KIRREL3: variants seen among roughly 807,000 people sequenced by gnomAD.
The protein encoded by KIRREL3 is kin of IRRE-like protein 3.
A neutral mutation model predicts 89.7 loss-of-function variants in KIRREL3; 36 were observed. The ratio of observed to expected loss-of-function variants is 0.40; its 90% CI spans 0.31 to 0.53. The LOEUF (loss-of-function observed/expected upper bound fraction) is 0.53. KIRREL3 is among the 20% of genes least tolerant of loss of function. The probability of loss-of-function intolerance (pLI) is 0.49; values close to 1 mark genes in which losing one functional copy is unlikely to be tolerated. For synonymous variants in KIRREL3, 445 were observed against 441.4 expected, an observed-to-expected ratio of 1.01 and a Z score of -0.10; for missense variants, 864 against 1,056.6, an observed-to-expected ratio of 0.82 and a Z score of 2.53.
At position 126,689,065 on chromosome 11, in the gene KIRREL3, A is replaced by G. The variant is rs567865721; in HGVS notation, c.56-126153T>C. ...AGAAGAGAGAGAGAGAGAGAGAGAG[A>G]GAGAGAGAGAGAGAGAGTATTGTAA... On this transcript the variant is annotated intron_variant, in intron 1 of 16. Transcript: ENST00000525144. The surrounding 1 kb of genome is among the most constrained non-coding windows in gnomAD (Gnocchi z 5.2). 4.0e-4 allele frequency among the ~76,000 whole-genome samples: 61 copies of G among 151,744 alleles called. No individual in the cohort carries two copies. The highest frequency in any genetic ancestry group is 1.5e-3 in the African/African-American group (61 of 41,332).
rs1947380969 is a variant in KIRREL3 at position 126,703,196 on chromosome 11, T to A, written c.56-140284A>T. 6.6e-6 allele frequency among the ~76,000 whole-genome samples: 1 copy of A among 152,222 alleles called. No homozygotes were observed. The highest frequency in any genetic ancestry group is 6.5e-5 in the Admixed American group (1 of 15,292). The stretch of plus-strand genomic sequence containing the variant: ...CTTCCAGCCGTGCTGCTTCCTGCCA[T>A]TTACTCCATCTGACCTACTTCACAG... On this transcript the variant is annotated intron_variant, in intron 1 of 16. Transcript: ENST00000525144. The surrounding 1 kb of genome is among the most constrained non-coding windows in gnomAD (Gnocchi z 4.6).
At chr11:126,511,555 C>T (rs1052523233) in intron 4 of KIRREL3, among the ~76,000 whole-genome samples, 5 of 152,134 alleles carry the variant, frequency 3.3e-5, no homozygotes, top group African/African-American at 7.2e-5. Flanking sequence ...ATGGGCATTG[C>T]GTCTTCTGCT....
intron 1 of KIRREL3, among the ~76,000 whole-genome samples, chr11:126,577,156 T>C (rs1941297685): frequency 6.6e-6 from 1 of 152,206 alleles, no homozygotes; most frequent in Non-Finnish European, 1.5e-5. Flanking sequence ...CCGCGTTTCC[T>C]ATCGACCCGG....
rs1290444538 is a variant in KIRREL3, at chr11:126,954,189, C to T, written c.55+46266G>A. 6.6e-6 allele frequency among the ~76,000 whole-genome samples: 1 copy of T among 151,332 alleles called. No homozygotes were observed. The highest frequency in any genetic ancestry group is 2.4e-5 in the African/African-American group (1 of 41,098). ...TGAGGTCATCACTTATAGGTAAGTA[C>T]TGGAGGATGTAGCGTTAGCTGCTGC... On this transcript the variant is annotated intron_variant, in intron 1 of 16. Coordinates refer to ENST00000525144, the MANE Select transcript of KIRREL3 (RefSeq NM_032531.4). This position sits in a 1 kb window ranked among gnomAD's most constrained non-coding sequence, Gnocchi z 4.1.
rs1475283095 is a variant in KIRREL3, at chr11:126,870,921, G to A, written c.55+129534C>T. ...TTTCTGCCTACCTTACAGAAAGACT[G>A]GACCAAAACTGTTCTACATGGCCAC... is the stretch of plus-strand genomic sequence containing the variant. On this transcript the variant is annotated intron_variant, in intron 1 of 16. Transcript: ENST00000525144. This position sits in a 1 kb window ranked among gnomAD's most constrained non-coding sequence, Gnocchi z 4.4. Among the ~76,000 whole-genome samples the A allele has an allele frequency of 6.6e-6, 1 of 152,080 alleles. No individual in the cohort carries two copies. Among genetic ancestry groups the A allele is most frequent in the Non-Finnish European group, 1.5e-5 (1 of 68,028 alleles).
Position 126,608,508 on chromosome 11 carries a change from C to T in KIRREL3, c.56-45596G>A, listed in dbSNP as rs1299397960. Among the ~76,000 whole-genome samples, 1 of 152,116 alleles carries T rather than the reference C, an allele frequency of 6.6e-6. No individual in the cohort carries two copies. The highest frequency in any genetic ancestry group is 2.4e-5 in the African/African-American group (1 of 41,406). ...GCGTCTGGCATTCCTCCAGTGCGTTCCCAGGCAGGTGTTTTGAGAAACTCC... is the reference window on the plus strand; with the variant it reads ...GCGTCTGGCATTCCTCCAGTGCGTTTCCAGGCAGGTGTTTTGAGAAACTCC... On this transcript the variant is annotated intron_variant, in intron 1 of 16. Coordinates refer to ENST00000525144, the MANE Select transcript of KIRREL3 (RefSeq NM_032531.4). The surrounding 1 kb of genome is among the most constrained non-coding windows in gnomAD (Gnocchi z 4.9).
chr11:126,741,603 C>T (rs925121410), intron 1 of KIRREL3, among the ~76,000 whole-genome samples: 16 of 152,122 alleles, frequency 1.1e-4, no homozygotes, highest in African/African-American at 3.4e-4. Flanking sequence ...TTTAGTACAT[C>T]GGAGAGTTTA....
chr11:126,490,724 C>T lies in KIRREL3; in HGVS notation c.434-17258G>A, dbSNP rs1264362577. Among the ~76,000 whole-genome samples, 2 of 152,198 alleles carry T rather than the reference C, an allele frequency of 1.3e-5. No individual in the cohort carries two copies. The highest frequency in any genetic ancestry group is 4.8e-5 in the African/African-American group (2 of 41,434). ...TCCCCAGAACAGGGCTCAGTGAATG[C>T]TCATTCCTTTTCTTGTCTCTCCTCC... On this transcript the variant is annotated intron_variant, in intron 4 of 16. Transcript: ENST00000525144. The surrounding 1 kb of genome is among the most constrained non-coding windows in gnomAD (Gnocchi z 4.2).
At position 126,459,316 on chromosome 11, in the gene KIRREL3, C is replaced by G. The variant is rs183447123; in HGVS notation, c.743-2862G>C. Reference sequence around the variant, plus strand: ...CCTGTTGTAGGACCTTCCTGCTGCCCGATGCCTCATCACGCCCCTGCCATG... The same window carrying G: ...CCTGTTGTAGGACCTTCCTGCTGCCGGATGCCTCATCACGCCCCTGCCATG... On this transcript the variant is annotated intron_variant, in intron 6 of 16. Transcript: ENST00000525144. The surrounding 1 kb of genome is among the most constrained non-coding windows in gnomAD (Gnocchi z 4.8). Among the ~76,000 whole-genome samples the G allele has an allele frequency of 1.2e-3, 190 of 152,232 alleles. No homozygotes were observed. The highest frequency in any genetic ancestry group is 4.0e-3 in the African/African-American group (168 of 41,522).
rs1565494650 is a variant in KIRREL3, at chr11:126,489,709, G to C, written c.434-16243C>G. Among the ~76,000 whole-genome samples, 2 of 151,990 alleles carry C rather than the reference G, an allele frequency of 1.3e-5. No homozygotes were observed. Among genetic ancestry groups the C allele is most frequent in the South Asian group, 4.2e-4 (2 of 4,812 alleles). On this transcript the variant is annotated intron_variant, in intron 4 of 16. Coordinates refer to ENST00000525144, the MANE Select transcript of KIRREL3 (RefSeq NM_032531.4). The surrounding 1 kb of genome is among the most constrained non-coding windows in gnomAD (Gnocchi z 5.5). Reference sequence around the variant, plus strand: ...CCACCTTCCACCACCCCTTTCTCAGGGGCCCATCAGCTAGGCCTAGCAGCC... The same window carrying C: ...CCACCTTCCACCACCCCTTTCTCAGCGGCCCATCAGCTAGGCCTAGCAGCC...
chr11:126,803,136 G>A (rs1951092324), intron 1 of KIRREL3, among the ~76,000 whole-genome samples: 1 of 152,228 alleles, frequency 6.6e-6, no homozygotes, highest in South Asian at 2.1e-4. Flanking sequence ...AGTCTGAGGG[G>A]TCCAGCCCTA....
At chr11:126,751,662 T>C (rs1481263392) in intron 1 of KIRREL3, among the ~76,000 whole-genome samples, 1 of 151,768 alleles carries the variant, frequency 6.6e-6, no homozygotes, top group Non-Finnish European at 1.5e-5. Context: ...AATATTCTTT[T>C]TGAGGAAAAA....
intron 1 of KIRREL3, chr11:126,992,423 A>G (rs1487597861): frequency 6.6e-6 from 1 of 152,226 alleles, no homozygotes; most frequent in Non-Finnish European, 1.5e-5. Context: ...AGTCATGGAA[A>G]TAACACTGTC....
chr11:126,435,828 G>T (rs1416161742), intron 12 of KIRREL3, among the ~76,000 whole-genome samples: 1 of 152,154 alleles, frequency 6.6e-6, no homozygotes, highest in Non-Finnish European at 1.5e-5. Flanking sequence ...GACAGCCTGC[G>T]AATGGACCTT....
In KIRREL3 at chr11:126,431,436, C is replaced by T. The variant is rs774267210; in HGVS notation, c.1679G>A (p.Cys560Tyr). ...VLMATIVAFCCARSQRNLKGV... is the reference protein window; with the variant it reads ...VLMATIVAFCYARSQRNLKGV... ...TCCCGTACTTCTCTGGGAACGGGCA[C>T]AGCAGAACGCCACGATGGTTGCCAT... is the stretch of plus-strand genomic sequence containing the variant. The change falls in exon 14 of 17, where the codon TGT becomes TAT. Residue 560 changes from cysteine (C) to tyrosine (Y), a missense_variant. By Grantham distance (194) the Cys-to-Tyr change is radical (BLOSUM62 -2). Transcript: ENST00000525144. This position sits in a 1 kb window ranked among gnomAD's most constrained non-coding sequence, Gnocchi z 7.1. 11 of 1,614,042 alleles carry T rather than the reference C, an allele frequency of 6.8e-6. No individual in the cohort carries two copies. The East Asian group carries it at 2.2e-4, about 33-fold the overall frequency.
At chr11:126,567,137 A>G (rs1217456798) in intron 1 of KIRREL3, among the ~76,000 whole-genome samples, 1 of 152,234 alleles carries the variant, frequency 6.6e-6, no homozygotes, top group Non-Finnish European at 1.5e-5. Flanking sequence ...TCCTGCACCA[A>G]ATTCGTACAT....
chr11:126,596,101 A>G (rs1942381156), intron 1 of KIRREL3, among the ~76,000 whole-genome samples: 1 of 152,188 alleles, frequency 6.6e-6, no homozygotes, highest in Admixed American at 6.5e-5. Context: ...CCCAACGGAA[A>G]GCCCTACGAG....
chr11:126,821,049 C>T (rs1359371900), intron 1 of KIRREL3, among the ~76,000 whole-genome samples: 1 of 151,998 alleles, frequency 6.6e-6, no homozygotes, highest in Non-Finnish European at 1.5e-5. Context: ...CTTGGGACTG[C>T]AAAAGGTTGA....
intron 1 of KIRREL3, among the ~76,000 whole-genome samples, chr11:126,698,947 G>A (rs1167855780): frequency 2.0e-5 from 3 of 152,218 alleles, no homozygotes; most frequent in Non-Finnish European, 4.4e-5. Context: ...CGATCTTAAG[G>A]GGCTGGGAGC....
Sources: gnomAD v4.1 joint callset for allele counts (sites outside exome capture counted in the v4.1 genomes callset) on GRCh38, gnomAD v4.1.1 for gene constraint, Gnocchi (gnomAD v3.1) non-coding constraint, MANE v1.5 for transcripts, NCBI Gene and HGNC (gene_info 2026-07-23, HGNC 2026-07-21) for gene names.